The following SHB variants were observed in gnomAD, a reference collection of about 807,000 sequenced individuals.
SHB encodes SH2 domain containing adaptor protein B, also known as SH2 domain-containing adapter protein B.
A neutral mutation model predicts 52.3 loss-of-function variants in SHB; 20 were observed. The observed-to-expected ratio is 0.38, with a 90% CI of 0.27 to 0.56. The LOEUF (loss-of-function observed/expected upper bound fraction) is 0.56. Among genes scored for constraint, SHB ranks in the 20% least tolerant of loss-of-function variants. The pLI, the probability that SHB is intolerant of heterozygous loss-of-function variation, is 0.71. For missense variants in SHB, 825 were observed against 723.3 expected (o/e 1.14, Z -1.61); for synonymous variants, 397 against 316.5 (o/e 1.25, Z -2.70).
chr9:37,935,528 C>G (rs1268134202), intron 5 of SHB, among the ~76,000 whole-genome samples: 1 of 152,130 alleles, frequency 6.6e-6, no homozygotes, highest in Non-Finnish European at 1.5e-5. Flanking sequence ...GAGCCCGTCT[C>G]CTTCAGCGTA....
chr9:37,986,947 C>T (rs1469934163), intron 2 of SHB, among the ~76,000 whole-genome samples: 1 of 152,232 alleles, frequency 6.6e-6, no homozygotes, highest in Non-Finnish European at 1.5e-5. Context: ...GTCTGCTGGG[C>T]ACGGTGCGGT....
At chr9:37,935,217 C>A (rs1021636338) in intron 5 of SHB, among the ~76,000 whole-genome samples, 1 of 152,234 alleles carries the variant, frequency 6.6e-6, no homozygotes, top group Non-Finnish European at 1.5e-5. Flanking sequence ...GAATCCTACA[C>A]TGCCTCGAGT....
intron 1 of SHB, among the ~76,000 whole-genome samples, chr9:38,065,577 T>C (rs1339557237): frequency 6.6e-6 from 1 of 152,188 alleles, no homozygotes; most frequent in African/African-American, 2.4e-5. Context: ...TGAGGATCGC[T>C]GCACTATAAC....
intron 2 of SHB, among the ~76,000 whole-genome samples, chr9:38,011,779 A>T (rs923673872): frequency 6.6e-6 from 1 of 152,240 alleles, no homozygotes; most frequent in Non-Finnish European, 1.5e-5. Flanking sequence ...CAAAAGGATT[A>T]TAACTTCTTT....
intron 1 of SHB, among the ~76,000 whole-genome samples, chr9:38,033,716 G>C (rs554382488): frequency 2.2e-4 from 33 of 152,188 alleles, no homozygotes; most frequent in African/African-American, 7.2e-4. Context: ...CACAACTAGA[G>C]CTGTTGCAGC....
intron 1 of SHB, among the ~76,000 whole-genome samples, chr9:38,020,631 T>C (rs563502775): frequency 7.9e-5 from 12 of 152,192 alleles, no homozygotes; most frequent in Non-Finnish European, 1.8e-4. Flanking sequence ...TGCAATCATG[T>C]GGGCTGGCTC....
intron 3 of SHB, among the ~76,000 whole-genome samples, chr9:37,968,127 T>C (rs1392183099): frequency 6.6e-6 from 1 of 152,220 alleles, no homozygotes; most frequent in East Asian, 1.9e-4. Flanking sequence ...TAAATTGAAT[T>C]TTATGTAATA....
intron 3 of SHB, among the ~76,000 whole-genome samples, chr9:37,965,237 C>T (rs1329965380): frequency 6.6e-6 from 1 of 152,314 alleles, no homozygotes; most frequent in East Asian, 1.9e-4. Context: ...AGGTACTGGC[C>T]ACAAATATGG....
chr9:38,012,801 A>G, intron 2 of SHB, among the ~76,000 whole-genome samples: 1 of 149,538 alleles, frequency 6.7e-6, no homozygotes, highest in South Asian at 2.3e-4. Context: ...ATGCCCTGTA[A>G]CTACAAGTTA....
rs1587189067 is a variant in SHB at position 37,919,758 on chromosome 9, T to G, written c.*63A>C. Reference sequence around the variant, plus strand: ...CAGCAACAGTGGCTGGGCTGGTTGGTGGGGGGCCTCTGGCACCTCCAAGTC... The same window carrying G: ...CAGCAACAGTGGCTGGGCTGGTTGGGGGGGGGCCTCTGGCACCTCCAAGTC... On this transcript the variant is annotated 3_prime_UTR_variant, in exon 6 of 6. Transcript: ENST00000377707. 7.3e-7 allele frequency: 1 copy of G among 1,368,976 alleles called. No homozygotes were observed. The highest frequency in any genetic ancestry group is 1.2e-5 in the South Asian group (1 of 82,316). The allele number at this position is 1,368,976 out of a possible 1,614,324, so 84.8% of individuals were successfully genotyped here.
chr9:37,990,005 G>A (rs1023494220), intron 2 of SHB, among the ~76,000 whole-genome samples: 1 of 152,180 alleles, frequency 6.6e-6, no homozygotes, highest in Non-Finnish European at 1.5e-5. Flanking sequence ...TGGAAGAAAC[G>A]AGAATAGCCC....
chr9:37,938,857 G>A (rs1448562177), intron 5 of SHB, among the ~76,000 whole-genome samples: 1 of 152,232 alleles, frequency 6.6e-6, no homozygotes, highest in Non-Finnish European at 1.5e-5. Context: ...GAGGCAGAAT[G>A]AGAGCAGGCA....
chr9:38,005,164 A>G (rs1309269153), intron 2 of SHB, among the ~76,000 whole-genome samples: 1 of 152,184 alleles, frequency 6.6e-6, no homozygotes, highest in African/African-American at 2.4e-5. Flanking sequence ...ATATGGACAG[A>G]ATGGGGTGAC....
chr9:38,009,979 A>G (rs981031562), intron 2 of SHB, among the ~76,000 whole-genome samples: 4 of 152,256 alleles, frequency 2.6e-5, no homozygotes, highest in African/African-American at 9.6e-5. Flanking sequence ...GACACTTTGA[A>G]CAGTTTTATA....
In SHB at chr9:37,918,718, A is replaced by G. The variant is rs1832136029; in HGVS notation, c.*1103T>C. ...TCCTTCTCTGTCTCCCTTTCCCTAC[A>G]TGCCAAATACCTCCCAGGTGGTGCT... On this transcript the variant is annotated 3_prime_UTR_variant, in exon 6 of 6. Coordinates refer to ENST00000377707, the MANE Select transcript of SHB (RefSeq NM_003028.3). 6.6e-6 allele frequency among the ~76,000 whole-genome samples: 1 copy of G among 152,214 alleles called. No individual in the cohort carries two copies. The highest frequency in any genetic ancestry group is 2.4e-5 in the African/African-American group (1 of 41,458).
At chr9:38,002,035 A>T (rs1320361356) in intron 2 of SHB, among the ~76,000 whole-genome samples, 1 of 152,038 alleles carries the variant, frequency 6.6e-6, no homozygotes, top group Non-Finnish European at 1.5e-5. Flanking sequence ...GACTGATGTG[A>T]TATAGCAAAG....
intron 1 of SHB, among the ~76,000 whole-genome samples, chr9:38,048,432 G>C (rs895020932): frequency 6.6e-6 from 1 of 152,166 alleles, no homozygotes; most frequent in African/African-American, 2.4e-5. Flanking sequence ...ACTTGAGTTT[G>C]AGATCAGCCT....
intron 1 of SHB, among the ~76,000 whole-genome samples, chr9:38,066,540 C>T (rs528666543): frequency 6.6e-6 from 1 of 152,146 alleles, no homozygotes; most frequent in South Asian, 2.1e-4. Context: ...CACCTGGCTC[C>T]CAGCTAGTCG....
intron 5 of SHB, among the ~76,000 whole-genome samples, chr9:37,931,116 C>T (rs1832306652): frequency 6.6e-6 from 1 of 152,114 alleles, no homozygotes; most frequent in Non-Finnish European, 1.5e-5. Flanking sequence ...AAAATCAACT[C>T]AAAATGGATA....
Sources: gnomAD v4.1 joint callset for allele counts (sites outside exome capture counted in the v4.1 genomes callset) on GRCh38, gnomAD v4.1.1 for gene constraint, MANE v1.5 for transcripts, NCBI Gene and HGNC (gene_info 2026-07-23, HGNC 2026-07-21) for gene names.